The following STAM variants were observed in gnomAD, a reference collection of about 807,000 sequenced individuals.
STAM encodes the protein signal transducing adaptor molecule.
Under a neutral mutation model 63.4 loss-of-function variants are expected in STAM, and 16 were observed. The observed-to-expected ratio is 0.25, with a 90% CI of 0.17 to 0.38. STAM has a LOEUF of 0.38. Among genes scored for constraint, STAM ranks in the 10% least tolerant of loss-of-function variants. STAM has a pLI of 1.00. For missense variants in STAM, 636 were observed against 657.1 expected (o/e 0.97, Z 0.35); for synonymous variants, 238 against 223.9 (o/e 1.06, Z -0.56).
intron 12 of STAM, among the ~76,000 whole-genome samples, chr10:17,706,524 G>T (rs1029774790): frequency 3.3e-5 from 5 of 151,652 alleles, no homozygotes; most frequent in Admixed American, 6.6e-5. Context: ...GACTACAGGC[G>T]CCCGTCACCA....
intron 12 of STAM, among the ~76,000 whole-genome samples, chr10:17,707,943 T>A (rs1038928565): frequency 2.6e-5 from 4 of 151,706 alleles, no homozygotes; most frequent in Non-Finnish European, 5.9e-5. Context: ...CAGGCTGGAG[T>A]GCAGTGGCGC....
At chr10:17,647,879 G>A (rs1490560972) in intron 1 of STAM, among the ~76,000 whole-genome samples, 2 of 152,040 alleles carry the variant, frequency 1.3e-5, no homozygotes, top group African/African-American at 4.8e-5. Context: ...CTGAGCTCTC[G>A]ACCTAGATAT....
chr10:17,704,669 CT>C (rs1223474912), intron 10 of STAM, 151 bp downstream of exon 10: 12 of 694,766 alleles, frequency 1.7e-5, no homozygotes, highest in Non-Finnish European at 2.6e-5. Flanking sequence ...CAGTTGAAAC[CT>C]TGGGTAGAAT....
chr10:17,706,516 C>G (rs1217198211), intron 12 of STAM, among the ~76,000 whole-genome samples: 1 of 151,578 alleles, frequency 6.6e-6, no homozygotes, highest in Non-Finnish European at 1.5e-5. Context: ...GTAGCTGGGA[C>G]TACAGGCGCC....
chr10:17,699,295 A>G (rs1835890888), intron 8 of STAM, among the ~76,000 whole-genome samples: 1 of 152,260 alleles, frequency 6.6e-6, no homozygotes, highest in African/African-American at 2.4e-5. Context: ...TCAATAGTTT[A>G]ATAAACATTA....
Position 17,687,394 on chromosome 10 carries a change from C to T in STAM, c.298-633C>T, listed in dbSNP as rs560751534. ...GTTGACACAAGAGAATCGCTTGAACCGCATCCCCCACCCCCCTCTGGGAGG... is the reference window on the plus strand; with the variant it reads ...GTTGACACAAGAGAATCGCTTGAACTGCATCCCCCACCCCCCTCTGGGAGG... On this transcript the variant is annotated intron_variant, in intron 4 of 13. Transcript: ENST00000377524. Among the ~76,000 whole-genome samples, 5 of 152,170 alleles carry T rather than the reference C, an allele frequency of 3.3e-5. No individual in the cohort carries two copies. In the South Asian group the frequency reaches 1.0e-3, roughly 32 times the overall value.
chr10:17,689,307 G>A (rs1554826488), intron 5 of STAM, among the ~76,000 whole-genome samples: 1 of 152,158 alleles, frequency 6.6e-6, no homozygotes, highest in Non-Finnish European at 1.5e-5. Flanking sequence ...CTGTGAGTGT[G>A]GAGGGGCTTA....
rs530716555 is a variant in STAM at position 17,709,086 on chromosome 10, T to A, written c.1385+135T>A. The A allele has an allele frequency of 7.8e-5, 81 of 1,032,732 alleles. 1 individual carries two copies. The highest frequency in any genetic ancestry group is 1.1e-4 in the Non-Finnish European group (77 of 729,428). 64.0% of individuals were successfully genotyped at this position (1,032,732 alleles called of 1,614,324 possible). On this transcript the variant is annotated intron_variant, in intron 13 of 13. Transcript: ENST00000377524. The stretch of plus-strand genomic sequence containing the variant: ...CATGCGGCCGCCCCATTTGTGCTAA[T>A]GAGTGGTGGAGCCTCTGTGGTATTC...
intron 2 of STAM, among the ~76,000 whole-genome samples, chr10:17,678,505 C>T (rs1000361401): frequency 1.3e-5 from 2 of 152,136 alleles, no homozygotes; most frequent in East Asian, 1.9e-4. Context: ...CCGCCTGCCT[C>T]GGCCTCCCAA....
At chr10:17,708,047 C>T (rs1425204168) in intron 12 of STAM, among the ~76,000 whole-genome samples, 2 of 152,078 alleles carry the variant, frequency 1.3e-5, no homozygotes, top group Non-Finnish European at 1.5e-5. Context: ...CCCGCCACCA[C>T]GCCTGGCTAA....
chr10:17,669,598 A>G (rs1834540437), intron 2 of STAM, among the ~76,000 whole-genome samples: 1 of 151,270 alleles, frequency 6.6e-6, no homozygotes, highest in African/African-American at 2.4e-5. Flanking sequence ...AGTCTTGTAC[A>G]TTTTTTGTAA....
intron 1 of STAM, among the ~76,000 whole-genome samples, chr10:17,647,889 T>A (rs1318830791): frequency 1.3e-5 from 2 of 152,320 alleles, no homozygotes; most frequent in Middle Eastern, 3.4e-3. Context: ...GACCTAGATA[T>A]CCATCTCCTT....
chr10:17,714,826 A>T lies in STAM; in HGVS notation c.*46A>T. On this transcript the variant is annotated 3_prime_UTR_variant, in exon 14 of 14. Coordinates refer to ENST00000377524, the MANE Select transcript of STAM (RefSeq NM_003473.4). ...GGCAGATACCTGCTAAATGCCACTG[A>T]CAATGTTATGAGATTCATTACTATC... The T allele has an allele frequency of 6.6e-7, 1 of 1,518,794 alleles. No individual in the cohort carries two copies. Among genetic ancestry groups the T allele is most frequent in the Non-Finnish European group, 9.1e-7 (1 of 1,093,442 alleles). The allele number at this position is 1,518,794 out of a possible 1,614,324, so 94.1% of individuals were successfully genotyped here.
chr10:17,660,166 A>G (rs191449623), intron 1 of STAM, among the ~76,000 whole-genome samples: 1 of 152,186 alleles, frequency 6.6e-6, no homozygotes, highest in African/African-American at 2.4e-5. Flanking sequence ...TTCTTATTTT[A>G]GTCTTTCTAT....
intron 1 of STAM, among the ~76,000 whole-genome samples, chr10:17,647,935 A>C (rs1285555028): frequency 3.9e-5 from 6 of 152,178 alleles, no homozygotes; most frequent in African/African-American, 1.4e-4. Context: ...CTTAGAGTCT[A>C]AAAACAAACA....
chr10:17,707,119 C>T (rs1273856209), intron 12 of STAM, among the ~76,000 whole-genome samples: 3 of 151,944 alleles, frequency 2.0e-5, no homozygotes, highest in Non-Finnish European at 4.4e-5. Context: ...GAATAACTAG[C>T]CAGATACTGG....
At chr10:17,701,050 G>A (rs1835972040) in intron 9 of STAM, among the ~76,000 whole-genome samples, 1 of 152,016 alleles carries the variant, frequency 6.6e-6, no homozygotes, top group Non-Finnish European at 1.5e-5. Flanking sequence ...TATATTTTTA[G>A]TAATTATGCT....
At chr10:17,669,758 C>T (rs1176180792) in intron 2 of STAM, among the ~76,000 whole-genome samples, 1 of 150,042 alleles carries the variant, frequency 6.7e-6, no homozygotes, top group Non-Finnish European at 1.5e-5. Context: ...AGTGCAGTGG[C>T]GCAATCTCAG....
intron 1 of STAM, among the ~76,000 whole-genome samples, chr10:17,656,280 C>T (rs12766551): frequency 0.16 from 22,212 of 138,294 alleles, 2,011 homozygotes; most frequent in Non-Finnish European, 0.2. Context: ...GGTGACAGAG[C>T]GAGACTCCGT....
Sources: allele counts gnomAD v4.1 joint callset (sites outside exome capture counted in the v4.1 genomes callset), GRCh38; gene constraint gnomAD v4.1.1; transcripts MANE v1.5; gene names NCBI Gene and HGNC (gene_info 2026-07-23, HGNC 2026-07-21).